The following NSG1 variants were observed in gnomAD, a reference collection of about 807,000 sequenced individuals.
NSG1 encodes the protein neuronal vesicle trafficking-associated protein 1.
Under a neutral mutation model 19.3 loss-of-function variants are expected in NSG1, and 9 were observed. The observed-to-expected ratio is 0.47, with a 90% CI of 0.28 to 0.81. The LOEUF (loss-of-function observed/expected upper bound fraction) is 0.81, where lower values mean the gene tolerates loss of function less well. NSG1 is among the 40% of genes least tolerant of loss of function. The pLI, the probability that NSG1 is intolerant of heterozygous loss-of-function variation, is 0.11. For missense variants in NSG1, 236 were observed against 242.4 expected (o/e 0.97, Z 0.18); for synonymous variants, 104 against 107.0 (o/e 0.97, Z 0.17).
At position 4,395,831 on chromosome 4, in the gene NSG1, C is replaced by T. The variant is rs377576178; in HGVS notation, c.246+4240C>T. 3.3e-5 allele frequency among the ~76,000 whole-genome samples: 5 copies of T among 152,218 alleles called. No individual in the cohort carries two copies. The South Asian group carries it at 1.0e-3, about 31-fold the overall frequency. On this transcript the variant is annotated intron_variant, in intron 3 of 4. Transcript: ENST00000621129. Reference sequence around the variant, plus strand: ...AAGTGACAGGTAAATCGTTTGTCCCCTCCTCTCTCCAATTTGTGTAGCTCA... The same window carrying T: ...AAGTGACAGGTAAATCGTTTGTCCCTTCCTCTCTCCAATTTGTGTAGCTCA...
At chr4:4,402,892 G>T (rs1723644127) in intron 3 of NSG1, among the ~76,000 whole-genome samples, 1 of 152,244 alleles carries the variant, frequency 6.6e-6, no homozygotes, top group Admixed American at 6.5e-5. Flanking sequence ...ATCAACCCAC[G>T]GGGCGTGGAT....
rs60967440 is a variant in NSG1, at chr4:4,398,445, GC to G, written c.246+6863del. On this transcript the variant is annotated intron_variant, in intron 3 of 4. Coordinates refer to ENST00000621129, the MANE Select transcript of NSG1 (RefSeq NM_014392.5). Reference sequence around the variant, plus strand: ...ATTCCCATTAAGCAGTCACTCCCATGCCCCCCCCCACAGCCCCTGGTTAGCC... The same window carrying G: ...ATTCCCATTAAGCAGTCACTCCCATGCCCCCCCCACAGCCCCTGGTTAGCC... Among the ~76,000 whole-genome samples the G allele has an allele frequency of 1.7e-4, 26 of 150,070 alleles. No individual in the cohort carries two copies. The East Asian group carries it at 1.9e-3, about 11-fold the overall frequency.
At position 4,417,470 on chromosome 4, in the gene NSG1, C is replaced by A. The variant is rs769706726; in HGVS notation, c.*35C>A. ...CAAGTTCCTTACAATGTGTCACTTG[C>A]AAATAACAAAGGGACTTTGAGGGAC... On this transcript the variant is annotated 3_prime_UTR_variant, in exon 5 of 5. Coordinates refer to ENST00000621129, the MANE Select transcript of NSG1 (RefSeq NM_014392.5). 4.1e-5 allele frequency: 64 copies of A among 1,579,070 alleles called. No individual in the cohort carries two copies. In the East Asian group the frequency reaches 1.3e-3, roughly 33 times the overall value.
intron 4 of NSG1, among the ~76,000 whole-genome samples, chr4:4,413,274 G>T (rs1048608769): frequency 6.6e-6 from 1 of 151,850 alleles, no homozygotes; most frequent in African/African-American, 2.4e-5. Flanking sequence ...GCATGTGGGC[G>T]GTAGTTTCTA....
chr4:4,401,606 C>A (rs927505631), intron 3 of NSG1, among the ~76,000 whole-genome samples: 1 of 152,134 alleles, frequency 6.6e-6, no homozygotes, highest in African/African-American at 2.4e-5. Context: ...TTTAGCAGTT[C>A]TCGCCCTGTG....
chr4:4,409,293 A>G (rs1724038632), intron 3 of NSG1, among the ~76,000 whole-genome samples: 1 of 152,360 alleles, frequency 6.6e-6, no homozygotes, highest in East Asian at 1.9e-4. Context: ...GGGCTTCTTC[A>G]TATCTGTACC....
intron 3 of NSG1, among the ~76,000 whole-genome samples, chr4:4,398,071 C>A (rs1186708201): frequency 6.6e-6 from 1 of 152,200 alleles, no homozygotes; most frequent in Admixed American, 6.5e-5. Flanking sequence ...TCTCCTGCCT[C>A]AGCCTCCTAA....
At chr4:4,416,008 A>G in intron 4 of NSG1, 2 of 678,884 alleles carry the variant, frequency 2.9e-6, no homozygotes, top group Non-Finnish European at 5.4e-6. Context: ...TGTTGATAAA[A>G]GGGCTGTACT....
intron 3 of NSG1, among the ~76,000 whole-genome samples, chr4:4,392,320 CAT>C (rs1433575662): frequency 6.6e-6 from 1 of 152,042 alleles, no homozygotes; most frequent in Admixed American, 6.5e-5. Flanking sequence ...CTTTGGGAAA[CAT>C]GAGAGAGAGA....
At chr4:4,386,998 C>G (rs1217185766), upstream of NSG1, 1 of 152,044 alleles carries the variant, frequency 6.6e-6, no homozygotes, top group Non-Finnish European at 1.5e-5. Context: ...CGCACCCAGC[C>G]CCCGGGAGAG....
At chr4:4,394,803 T>C (rs1243702561) in intron 3 of NSG1, among the ~76,000 whole-genome samples, 2 of 152,242 alleles carry the variant, frequency 1.3e-5, no homozygotes, top group Non-Finnish European at 2.9e-5. Flanking sequence ...CGAGATTTCC[T>C]GGGTCTGCCC....
chr4:4,408,073 T>C (rs1723962985), intron 3 of NSG1, among the ~76,000 whole-genome samples: 1 of 152,090 alleles, frequency 6.6e-6, no homozygotes, highest in African/African-American at 2.4e-5. Flanking sequence ...TGGTCTCCTA[T>C]CACAGATGGG....
chr4:4,402,778 G>T (rs1368362881), intron 3 of NSG1, among the ~76,000 whole-genome samples: 1 of 152,172 alleles, frequency 6.6e-6, no homozygotes, highest in Non-Finnish European at 1.5e-5. Context: ...CACTTCCTGT[G>T]CCTGGTGGAA....
chr4:4,409,977 C>T (rs148096952), intron 4 of NSG1, among the ~76,000 whole-genome samples: 42 of 152,344 alleles, frequency 2.8e-4, no homozygotes, highest in Non-Finnish European at 4.9e-4. Flanking sequence ...CAGGGTCTGC[C>T]GTGGGAAATG....
chr4:4,401,987 C>G (rs2108739377), intron 3 of NSG1, among the ~76,000 whole-genome samples: 1 of 151,598 alleles, frequency 6.6e-6, no homozygotes, highest in East Asian at 1.9e-4. Flanking sequence ...CTGAAGCGAT[C>G]CTCCCAAATC....
intron 4 of NSG1, among the ~76,000 whole-genome samples, chr4:4,415,101 TC>T (rs1319666999): frequency 1.1e-3 from 171 of 152,294 alleles, no homozygotes; most frequent in African/African-American, 4.0e-3. Context: ...GGTTACACGT[TC>T]TTGCTATGTT....
intron 4 of NSG1, among the ~76,000 whole-genome samples, chr4:4,414,589 T>A (rs576352525): frequency 6.6e-6 from 1 of 152,306 alleles, no homozygotes; most frequent in Non-Finnish European, 1.5e-5. Context: ...ACACCAACGC[T>A]AGGCAGCTTG....
intron 2 of NSG1, among the ~76,000 whole-genome samples, chr4:4,390,060 A>G (rs1722918374): frequency 6.6e-6 from 1 of 152,212 alleles, no homozygotes; most frequent in African/African-American, 2.4e-5. Context: ...GGGCCCCCAC[A>G]TACGGGAGAG....
intron 2 of NSG1, 41 bp downstream of exon 2, chr4:4,387,799 C>A: frequency 1.3e-6 from 2 of 1,512,688 alleles, no homozygotes; most frequent in East Asian, 2.3e-5. Flanking sequence ...GGGTGTGCAC[C>A]CCCAAATCTC....
Sources: gnomAD v4.1 joint callset for allele counts (sites outside exome capture counted in the v4.1 genomes callset) on GRCh38, gnomAD v4.1.1 for gene constraint, MANE v1.5 for transcripts, NCBI Gene and HGNC (gene_info 2026-07-23, HGNC 2026-07-21) for gene names.